LRP5: variants seen among roughly 807,000 people sequenced by gnomAD.
The protein encoded by LRP5 is low-density lipoprotein receptor-related protein 5.
Under a neutral mutation model 154.1 loss-of-function variants are expected in LRP5, and 62 were observed. The observed-to-expected ratio is 0.40, with a 90% CI of 0.33 to 0.50. LRP5 has a LOEUF of 0.50. Ranked by LOEUF, LRP5 falls within the 20% of genes least tolerant of loss-of-function variation. The pLI is 0.55. For missense variants in LRP5, 1,915 were observed against 2,336.7 expected (o/e 0.82, Z 3.72); for synonymous variants, 966 against 1,011.5 (o/e 0.96, Z 0.85).
intron 6 of LRP5, among the ~76,000 whole-genome samples, chr11:68,389,251 C>T (rs1315507449): frequency 1.3e-5 from 2 of 152,254 alleles, no homozygotes; most frequent in Non-Finnish European, 2.9e-5. Context: ...CATCTACCAA[C>T]ACCGACATTT....
intron 2 of LRP5, among the ~76,000 whole-genome samples, chr11:68,350,376 C>T (rs1465233235): frequency 3.3e-5 from 5 of 152,238 alleles, no homozygotes; most frequent in Admixed American, 2.0e-4. Context: ...CAGGAGTGGG[C>T]GGCCATGCAT....
Position 68,386,763 on chromosome 11 carries a change from G to A in LRP5, c.1412+51G>A. On this transcript the variant is annotated intron_variant, in intron 6 of 22. Coordinates refer to ENST00000294304, the MANE Select transcript of LRP5 (RefSeq NM_002335.4). This position sits in a 1 kb window ranked among gnomAD's most constrained non-coding sequence, Gnocchi z 7.9. The stretch of plus-strand genomic sequence containing the variant: ...GGAGCCAGGGCCAGGCCAAGCACAG[G>A]CGAGAGGGAGATTGACCTGGACCTG... The A allele has an allele frequency of 6.3e-7, 1 of 1,577,032 alleles. No individual in the cohort carries two copies. Among genetic ancestry groups the A allele is most frequent in the Non-Finnish European group, 8.6e-7 (1 of 1,158,722 alleles).
At chr11:68,435,596 C>T (rs577502271) in intron 18 of LRP5, among the ~76,000 whole-genome samples, 6 of 152,290 alleles carry the variant, frequency 3.9e-5, no homozygotes, top group South Asian at 2.1e-4. Flanking sequence ...TTTGCTACTG[C>T]GGAGAGGGCA....
Position 68,363,774 on chromosome 11 carries a change from G to A in LRP5, c.714G>A (p.Thr238=), listed in dbSNP as rs149522146. The change falls in exon 4 of 23, where the codon ACG becomes ACA. Residue 238 remains threonine, a synonymous_variant. Coordinates refer to ENST00000294304, the MANE Select transcript of LRP5 (RefSeq NM_002335.4). ...AGAAGGTGGTGGAGGGCAGCCTGACGCACCCCTTCGCCCTGACGCTCTCCG... is the reference window on the plus strand; with the variant it reads ...AGAAGGTGGTGGAGGGCAGCCTGACACACCCCTTCGCCCTGACGCTCTCCG... ...FRQKVVEGSL[T]HPFALTLSGD... is the part of the protein sequence containing the mutation. 4.7e-5 allele frequency: 76 copies of A among 1,612,604 alleles called. No homozygotes were observed. The highest frequency in any genetic ancestry group is 1.5e-4 in the African/African-American group (11 of 74,742).
At chr11:68,368,134 A>G (rs1462364049) in intron 5 of LRP5, among the ~76,000 whole-genome samples, 3 of 152,102 alleles carry the variant, frequency 2.0e-5, no homozygotes, top group Non-Finnish European at 4.4e-5. Flanking sequence ...ATGTTGCCCA[A>G]TATCCACAAA....
intron 9 of LRP5, among the ~76,000 whole-genome samples, chr11:68,409,254 TA>T (rs1247693464): frequency 2.8e-5 from 4 of 140,562 alleles, no homozygotes; most frequent in African/African-American, 1.0e-4. Flanking sequence ...TAATATATAA[TA>T]AAATATATAA....
chr11:68,417,895 A>G (rs913314867), intron 13 of LRP5, among the ~76,000 whole-genome samples: 2 of 152,016 alleles, frequency 1.3e-5, no homozygotes, highest in African/African-American at 4.8e-5. Flanking sequence ...AGATCACACC[A>G]TTGCACTCCA....
intron 22 of LRP5, among the ~76,000 whole-genome samples, 174 bp downstream of exon 22, chr11:68,446,707 C>G (rs1399625805): frequency 6.6e-6 from 1 of 152,216 alleles, no homozygotes; most frequent in Non-Finnish European, 1.5e-5. Context: ...CCTCCCCAGA[C>G]AAGCTCAGCG....
intron 1 of LRP5, among the ~76,000 whole-genome samples, chr11:68,338,185 T>C (rs1225162952): frequency 6.6e-6 from 1 of 152,212 alleles, no homozygotes; most frequent in Non-Finnish European, 1.5e-5. Flanking sequence ...GGCTGCAGCT[T>C]GCTCCGATGA....
the LRP5 span, among the ~76,000 whole-genome samples, chr11:68,307,226 C>G: frequency 6.6e-6 from 1 of 152,088 alleles, no homozygotes; most frequent in Non-Finnish European, 1.5e-5. Context: ...AATCCCAACA[C>G]TTTGGGAGGC....
the LRP5 span, among the ~76,000 whole-genome samples, chr11:68,301,776 C>A: frequency 2.0e-5 from 3 of 148,318 alleles, no homozygotes; most frequent in East Asian, 6.0e-4. Flanking sequence ...CAGGCGCCCG[C>A]CACCATGCCT....
intron 1 of LRP5, among the ~76,000 whole-genome samples, chr11:68,340,472 G>C (rs549828661): frequency 6.6e-6 from 1 of 152,102 alleles, no homozygotes; most frequent in Non-Finnish European, 1.5e-5. Flanking sequence ...ACCCCCTCCC[G>C]GCTGTTACCT....
intron 1 of LRP5, among the ~76,000 whole-genome samples, chr11:68,347,043 C>CA (rs2098613585): frequency 3.9e-5 from 6 of 152,160 alleles, no homozygotes; most frequent in Admixed American, 1.3e-4. Context: ...GGTGAGGGAG[C>CA]CAGCCTGGCC....
the LRP5 span, among the ~76,000 whole-genome samples, chr11:68,300,698 C>T: frequency 1.4e-4 from 21 of 149,390 alleles, no homozygotes; most frequent in African/African-American, 5.1e-4. Context: ...TGGTGGGGGC[C>T]GGGGGAGGTC....
intron 13 of LRP5, among the ~76,000 whole-genome samples, chr11:68,422,719 C>T (rs1470968955): frequency 1.3e-5 from 2 of 152,054 alleles, no homozygotes; most frequent in Non-Finnish European, 2.9e-5. Context: ...GGCTCTGAGT[C>T]ATTCCCCACA....
At position 68,366,292 on chromosome 11, in the gene LRP5, C is replaced by A. The variant is rs181452320; in HGVS notation, c.1015+590C>A. On this transcript the variant is annotated intron_variant, in intron 5 of 22. Transcript: ENST00000294304. ...AGGTGGTGGGGGACAGGGCCTGCTT[C>A]CTGTGCCGGTGTCCCACTCGGGAGG... is the stretch of plus-strand genomic sequence containing the variant. Among the ~76,000 whole-genome samples, 576 of 152,154 alleles carry A rather than the reference C, an allele frequency of 3.8e-3. 5 individuals carry two copies. The highest frequency in any genetic ancestry group is 5.9e-3 in the Non-Finnish European group (398 of 67,998).
intron 17 of LRP5, among the ~76,000 whole-genome samples, chr11:68,429,973 C>T (rs990538037): frequency 6.6e-6 from 1 of 152,192 alleles, no homozygotes; most frequent in Admixed American, 6.5e-5. Context: ...CCTGAGATGA[C>T]ATCTTTGGCT....
chr11:68,371,732 G>C (rs529786141), intron 5 of LRP5, among the ~76,000 whole-genome samples: 2 of 152,270 alleles, frequency 1.3e-5, no homozygotes, highest in Non-Finnish European at 2.9e-5. Flanking sequence ...TGAAGAAAAC[G>C]TGAAATTCTG....
At chr11:68,340,550 A>G (rs2098608357) in intron 1 of LRP5, among the ~76,000 whole-genome samples, 1 of 152,196 alleles carries the variant, frequency 6.6e-6, no homozygotes, top group African/African-American at 2.4e-5. Context: ...TGCAGTAATT[A>G]TCCCCATTTC....
Sources: allele counts gnomAD v4.1 joint callset (sites outside exome capture counted in the v4.1 genomes callset), GRCh38; gene constraint gnomAD v4.1.1; non-coding constraint Gnocchi (gnomAD v3.1); transcripts MANE v1.5; gene names NCBI Gene and HGNC (gene_info 2026-07-23, HGNC 2026-07-21).